TANC2: variants seen among roughly 807,000 people sequenced by gnomAD.
The protein encoded by TANC2 is tetratricopeptide repeat, ankyrin repeat and coiled-coil containing 2.
In TANC2, 26 loss-of-function variants were observed where a neutral mutation model predicts 210.5. That is an observed-to-expected ratio of 0.12 (90% confidence interval 0.09 to 0.17). The LOEUF (loss-of-function observed/expected upper bound fraction) is 0.17. Among genes scored for constraint, TANC2 ranks in the 10% least tolerant of loss-of-function variants. The pLI is 1.00. For synonymous variants in TANC2, 931 were observed against 967.1 expected (o/e 0.96, Z 0.69); for missense variants, 2,129 against 2,608.9 (o/e 0.82, Z 4.01).
intron 2 of TANC2, among the ~76,000 whole-genome samples, chr17:63,065,203 T>C (rs2036152923): frequency 6.6e-6 from 1 of 152,232 alleles, no homozygotes. Flanking sequence ...GGTTCACCCA[T>C]GTTGTTGCAA....
chr17:63,203,149 T>G (rs1254753838), intron 7 of TANC2, among the ~76,000 whole-genome samples: 2 of 152,168 alleles, frequency 1.3e-5, no homozygotes, highest in African/African-American at 4.8e-5. Context: ...TAATTCACAT[T>G]CTCATCAGCA....
intron 8 of TANC2, among the ~76,000 whole-genome samples, chr17:63,258,160 A>G (rs1244991348): frequency 2.6e-5 from 4 of 152,078 alleles, no homozygotes; most frequent in Non-Finnish European, 2.9e-5. Context: ...TCTCATCAGC[A>G]CTTTAAATAT....
chr17:63,187,551 T>A (rs533164572), intron 5 of TANC2, among the ~76,000 whole-genome samples: 108 of 151,110 alleles, frequency 7.1e-4, no homozygotes, highest in East Asian at 1.4e-3. Context: ...ATTATGTTTT[T>A]TATATATATA....
intron 2 of TANC2, among the ~76,000 whole-genome samples, chr17:63,048,305 G>T (rs970116682): frequency 1.3e-5 from 2 of 152,100 alleles, no homozygotes; most frequent in African/African-American, 4.8e-5. Context: ...AATTATTGCA[G>T]AACTCCAGTT....
intron 7 of TANC2, among the ~76,000 whole-genome samples, chr17:63,236,042 G>A (rs2042611787): frequency 6.6e-6 from 1 of 151,790 alleles, no homozygotes. Context: ...TACTTATTTG[G>A]GCAGGTTCTG....
chr17:63,253,018 A>G (rs536010468), intron 8 of TANC2, among the ~76,000 whole-genome samples: 3 of 152,214 alleles, frequency 2.0e-5, no homozygotes, highest in Admixed American at 1.3e-4. Context: ...ACTATTTTCA[A>G]TTTTTTGAGT....
chr17:62,996,106 G>C (rs899316246), intron 1 of TANC2, among the ~76,000 whole-genome samples: 1 of 152,138 alleles, frequency 6.6e-6, no homozygotes, highest in African/African-American at 2.4e-5. Context: ...GTATTGGCTT[G>C]ATCCTATTAC....
At chr17:63,020,750 CTG>C (rs2034312480) in intron 2 of TANC2, among the ~76,000 whole-genome samples, 1 of 152,134 alleles carries the variant, frequency 6.6e-6, no homozygotes, top group African/African-American at 2.4e-5. Context: ...ATACTTGAGA[CTG>C]AGTAATATAA....
At chr17:63,369,553 CTT>C (rs36014004) in intron 14 of TANC2, among the ~76,000 whole-genome samples, 73 of 131,150 alleles carry the variant, frequency 5.6e-4, no homozygotes, top group African/African-American at 1.5e-3. Flanking sequence ...ATAATTTCAG[CTT>C]TTTTTTTTTT....
chr17:63,406,375 A>C, intron 21 of TANC2, 98 bp downstream of exon 21: 5 of 1,528,272 alleles, frequency 3.3e-6, no homozygotes, highest in Non-Finnish European at 4.4e-6. Flanking sequence ...CTAAGAACAG[A>C]TATTAATCCA....
chr17:63,159,146 T>C (rs2039939415), intron 5 of TANC2, among the ~76,000 whole-genome samples: 1 of 152,142 alleles, frequency 6.6e-6, no homozygotes, highest in Non-Finnish European at 1.5e-5. Flanking sequence ...CATATTCTCT[T>C]CATTAGAAGC....
Position 63,084,243 on chromosome 17 carries a change from A to G in TANC2, c.139+10229A>G, listed in dbSNP as rs547296266. Reference sequence around the variant, plus strand: ...TGTTTTTCAAGGAATTGGTCATTTTATCTAGGTCATCAAATTGTGGGTGTA... The same window carrying G: ...TGTTTTTCAAGGAATTGGTCATTTTGTCTAGGTCATCAAATTGTGGGTGTA... On this transcript the variant is annotated intron_variant, in intron 3 of 27. Coordinates refer to ENST00000689528, the Ensembl canonical transcript of TANC2. Among the ~76,000 whole-genome samples the G allele has an allele frequency of 9.2e-5, 14 of 152,208 alleles. No homozygotes were observed. In the East Asian group the frequency reaches 2.1e-3, roughly 23 times the overall value.
chr17:63,141,385 A>G (rs1489535474), intron 4 of TANC2, among the ~76,000 whole-genome samples: 1 of 73,116 alleles, frequency 1.4e-5, no homozygotes, highest in Non-Finnish European at 2.7e-5. Flanking sequence ...CTACTAAAAA[A>G]AAAAAAAAAA....
rs573746502 is a variant in TANC2 at position 63,247,528 on chromosome 17, A to G, written c.1033+9451A>G. ...AACAATTACATCATCCTAAATTGTT[A>G]CATCTGTAGACTAGACCTTAATTGT... On this transcript the variant is annotated intron_variant, in intron 8 of 27. Coordinates refer to ENST00000689528, the Ensembl canonical transcript of TANC2. Among the ~76,000 whole-genome samples, 23 of 151,720 alleles carry G rather than the reference A, an allele frequency of 1.5e-4. No homozygotes were observed. The South Asian group carries it at 3.5e-3, about 23-fold the overall frequency.
At chr17:62,974,971 A>G (rs1206778545) in intron 1 of TANC2, among the ~76,000 whole-genome samples, 3 of 152,196 alleles carry the variant, frequency 2.0e-5, no homozygotes, top group South Asian at 4.1e-4. Context: ...CTGTAATACC[A>G]TGCTAGCATT....
At chr17:63,373,875 G>C (rs375772527) in intron 14 of TANC2, among the ~76,000 whole-genome samples, 1 of 152,132 alleles carries the variant, frequency 6.6e-6, no homozygotes, top group East Asian at 1.9e-4. Flanking sequence ...CAGCTACTTG[G>C]GAGGCTGAGG....
Position 63,417,968 on chromosome 17 carries a change from C to A in TANC2, c.4168-339C>A, listed in dbSNP as rs149307252. Among the ~76,000 whole-genome samples the A allele has an allele frequency of 1.8e-4, 28 of 152,320 alleles. No homozygotes were observed. In the East Asian group the frequency reaches 5.2e-3, roughly 28 times the overall value. Reference sequence around the variant, plus strand: ...ATGTGGACATGTGTGCGTTTGCCTCCTACATGCATGGATAACTTCAGGAGC... The same window carrying A: ...ATGTGGACATGTGTGCGTTTGCCTCATACATGCATGGATAACTTCAGGAGC... On this transcript the variant is annotated intron_variant, in intron 26 of 27. Coordinates refer to ENST00000689528, the Ensembl canonical transcript of TANC2.
chr17:63,009,428 T>A, intron 1 of TANC2, 109 bp from the exon 2 acceptor site: 1 of 677,542 alleles, frequency 1.5e-6, no homozygotes, highest in East Asian at 2.7e-5. Context: ...AACAGTCCAG[T>A]TGTACCCTTT....
At chr17:63,406,022 T>C (rs1009935262) in intron 20 of TANC2, 132 bp from the exon 21 acceptor site, 5 of 1,146,568 alleles carry the variant, frequency 4.4e-6, no homozygotes, top group Non-Finnish European at 4.9e-6. Flanking sequence ...CAGGTACTTA[T>C]GGGGGAAGTG....
Sources: allele counts gnomAD v4.1 joint callset (sites outside exome capture counted in the v4.1 genomes callset), GRCh38; gene constraint gnomAD v4.1.1; transcripts MANE v1.5; gene names NCBI Gene and HGNC (gene_info 2026-07-23, HGNC 2026-07-21).